The following CHLSN variants were observed in gnomAD, a reference collection of about 807,000 sequenced individuals.
CHLSN encodes the protein protein cholesin.
At chr7:1,041,809 G>A in the CHLSN span, among the ~76,000 whole-genome samples, 3 of 151,132 alleles carry the variant, frequency 2.0e-5, no homozygotes, top group Non-Finnish European at 3.0e-5. Flanking sequence ...CCGCCCCCCC[G>A]AGAAAGCCCA....
chr7:1,002,111 AG>A, the CHLSN span, among the ~76,000 whole-genome samples: 1 of 78,578 alleles, frequency 1.3e-5, no homozygotes, highest in African/African-American at 5.3e-5. Flanking sequence ...GTGGGTGGGA[AG>A]TCCTGTGGGT....
At chr7:1,076,759 G>A in the CHLSN span, among the ~76,000 whole-genome samples, 3 of 152,226 alleles carry the variant, frequency 2.0e-5, no homozygotes, top group African/African-American at 4.8e-5. Context: ...CCAGCCCAGC[G>A]CCACAGCCTT....
At chr7:1,084,969 G>A in the CHLSN span, among the ~76,000 whole-genome samples, 1 of 152,234 alleles carries the variant, frequency 6.6e-6, no homozygotes, top group African/African-American at 2.4e-5. Flanking sequence ...AGTCAGTGCT[G>A]GCAGAGGGAG....
At chr7:1,091,472 G>A in the CHLSN span, 102 of 461,098 alleles carry the variant, frequency 2.2e-4, 1 homozygote, top group Non-Finnish European at 3.4e-4. Flanking sequence ...AGGGACGCCC[G>A]CCGGACGAGC....
At chr7:1,138,191 GCGCCCACCTGCGCCCACGT>G in the CHLSN span, 62,257 of 151,984 alleles carry the variant, frequency 0.41, 13,822 homozygotes, top group African/African-American at 0.59. Context: ...GCGCCTACCT[GCGCCCACCTGCGCCCACGT>G]CGCCCACCTA....
chr7:1,107,893 C>T, the CHLSN span, among the ~76,000 whole-genome samples: 2 of 146,826 alleles, frequency 1.4e-5, no homozygotes, highest in African/African-American at 5.2e-5. Context: ...AGACCCGCAC[C>T]CCGGGAGGAA....
the CHLSN span, among the ~76,000 whole-genome samples, chr7:1,066,255 C>CCAA: frequency 6.2e-5 from 9 of 145,386 alleles, no homozygotes; most frequent in Admixed American, 6.1e-4. Context: ...GGGAAAAATA[C>CCAA]CGACAAACGC....
the CHLSN span, among the ~76,000 whole-genome samples, chr7:1,046,500 G>C: frequency 9.2e-5 from 14 of 152,122 alleles, no homozygotes; most frequent in Non-Finnish European, 1.8e-4. Context: ...ATCTGTCCAG[G>C]GGTCTCAAAG....
the CHLSN span, among the ~76,000 whole-genome samples, chr7:1,016,518 GCAGCACACAC>G: frequency 6.3e-5 from 8 of 127,130 alleles, no homozygotes; most frequent in East Asian, 2.5e-4. Flanking sequence ...GCAGCGCACA[GCAGCACACAC>G]CAGCACAAAG....
At chr7:1,039,047 G>A in the CHLSN span, among the ~76,000 whole-genome samples, 2 of 80,394 alleles carry the variant, frequency 2.5e-5, no homozygotes, top group Non-Finnish European at 5.4e-5. Flanking sequence ...CGCCCCGTCC[G>A]GGAGGGAGGT....
chr7:1,030,320 G>A, the CHLSN span, among the ~76,000 whole-genome samples: 5 of 152,300 alleles, frequency 3.3e-5, no homozygotes, highest in Middle Eastern at 3.4e-3. Context: ...ACCTGAGCCC[G>A]GGGACCAGGT....
the CHLSN span, among the ~76,000 whole-genome samples, chr7:1,090,668 C>T: frequency 1.3e-5 from 2 of 152,234 alleles, no homozygotes; most frequent in African/African-American, 2.4e-5. Flanking sequence ...CGGGCACCGC[C>T]GTGGGCGGAC....
the CHLSN span, among the ~76,000 whole-genome samples, chr7:1,118,794 T>A: frequency 6.2e-5 from 5 of 80,416 alleles, no homozygotes; most frequent in African/African-American, 2.9e-4. Context: ...AGACCCCATC[T>A]CTACCAAAAA....
the CHLSN span, among the ~76,000 whole-genome samples, chr7:1,016,743 GCACAGCAGCA>G: frequency 2.4e-5 from 2 of 84,098 alleles, no homozygotes; most frequent in South Asian, 3.7e-4. Flanking sequence ...ACACGCCAGC[GCACAGCAGCA>G]CACGCCAGCG....
the CHLSN span, chr7:983,206 G>C: frequency 1.3e-6 from 2 of 1,491,334 alleles, no homozygotes; most frequent in African/African-American, 2.8e-5. Flanking sequence ...CACCAGCCAC[G>C]TCCTCATGGC....
chr7:1,055,576 C>A, the CHLSN span: 2 of 390,536 alleles, frequency 5.1e-6, no homozygotes, highest in South Asian at 1.8e-5. Flanking sequence ...CTCTGTGCAG[C>A]ACAGGTGGGA....
chr7:1,000,005 G>A, the CHLSN span, among the ~76,000 whole-genome samples: 2 of 152,242 alleles, frequency 1.3e-5, no homozygotes, highest in African/African-American at 2.4e-5. Context: ...GTAGACACAC[G>A]TCATGCACAC....
chr7:1,103,296 CG>C, the CHLSN span, among the ~76,000 whole-genome samples: 104 of 152,176 alleles, frequency 6.8e-4, no homozygotes, highest in Non-Finnish European at 1.9e-4. Flanking sequence ...CTGAGATTGT[CG>C]GGTGAAAGCG....
chr7:1,048,167 T>C, the CHLSN span, among the ~76,000 whole-genome samples: 1 of 151,984 alleles, frequency 6.6e-6, no homozygotes, highest in East Asian at 1.9e-4. Flanking sequence ...AGAAAGGGTG[T>C]TCTAGGCAAG....
Sources: gnomAD v4.1 joint callset for allele counts (sites outside exome capture counted in the v4.1 genomes callset) on GRCh38, gnomAD v4.1.1 for gene constraint, MANE v1.5 for transcripts, NCBI Gene and HGNC (gene_info 2026-07-23, HGNC 2026-07-21) for gene names.